Variants in FHL2 observed in about 807,000 individuals in gnomAD.
FHL2 encodes the protein four and a half LIM domains 2.
FHL2 carries 20 observed loss-of-function variants against 32.7 expected under a neutral mutation model. The observed-to-expected ratio is 0.61, with a 90% CI of 0.43 to 0.89. The LOEUF (loss-of-function observed/expected upper bound fraction) is 0.89, where lower values mean the gene tolerates loss of function less well. FHL2 is among the 40% of genes least tolerant of loss of function. The pLI is 0.00. For missense variants in FHL2, 311 were observed against 358.6 expected (o/e 0.87, Z 1.07); for synonymous variants, 123 against 128.1 (o/e 0.96, Z 0.27).
chr2:105,374,610 C>A (rs1440597457), intron 3 of FHL2: 1 of 152,054 alleles, frequency 6.6e-6, no homozygotes, highest in Non-Finnish European at 1.5e-5. Context: ...CAGACGTGTG[C>A]TTTTGAGTAA....
upstream of FHL2, chr2:105,399,336 G>A (rs536648935): frequency 1.3e-6 from 2 of 1,535,914 alleles, no homozygotes; most frequent in Middle Eastern, 1.7e-4. Context: ...ACGAGGCCTG[G>A]GCGCGGTGGC....
chr2:105,438,018 T>C (rs942173152), intron 1 of FHL2, among the ~76,000 whole-genome samples: 2 of 152,236 alleles, frequency 1.3e-5, no homozygotes, highest in Admixed American at 6.5e-5. Context: ...GTTTATTTTA[T>C]AACATTTCTT....
intron 1 of FHL2, among the ~76,000 whole-genome samples, chr2:105,432,301 G>C (rs1684460345): frequency 6.6e-6 from 1 of 152,180 alleles, no homozygotes. Flanking sequence ...TTTGTCTCAT[G>C]CACTTTCCAC....
chr2:105,372,427 A>G (rs891551429), intron 4 of FHL2, among the ~76,000 whole-genome samples: 2 of 152,052 alleles, frequency 1.3e-5, no homozygotes, highest in African/African-American at 4.8e-5. Context: ...GCGTTTTACC[A>G]TGTTAGCCTG....
At chr2:105,365,950 A>T (rs1393768495) in intron 5 of FHL2, among the ~76,000 whole-genome samples, 1 of 152,204 alleles carries the variant, frequency 6.6e-6, no homozygotes, top group Non-Finnish European at 1.5e-5. Context: ...CACGCCTGTA[A>T]TCCCAGCACT....
chr2:105,397,195 G>A (rs1683201154), intron 1 of FHL2, among the ~76,000 whole-genome samples: 2 of 152,032 alleles, frequency 1.3e-5, no homozygotes, highest in Non-Finnish European at 2.9e-5. Flanking sequence ...CCCGTGGTGC[G>A]TTTAGTGGTT....
chr2:105,407,197 C>A lies in FHL2; in HGVS notation c.-24-20657G>T, dbSNP rs746215790. Among the ~76,000 whole-genome samples the A allele has an allele frequency of 2.6e-5, 4 of 152,066 alleles. No homozygotes were observed. In the South Asian group the frequency reaches 6.2e-4, roughly 24 times the overall value. On this transcript the variant is annotated intron_variant, in intron 1 of 5. Transcript: ENST00000393352. ...CACAAGGTCAAGAGATAGAGACCATCCTGGCTAACACGGTGAAACCCTGTC... is the reference window on the plus strand; with the variant it reads ...CACAAGGTCAAGAGATAGAGACCATACTGGCTAACACGGTGAAACCCTGTC...
At chr2:105,408,400 T>C (rs889294494) in intron 1 of FHL2, among the ~76,000 whole-genome samples, 1 of 152,224 alleles carries the variant, frequency 6.6e-6, no homozygotes, top group Admixed American at 6.5e-5. Context: ...GTAATCCTAA[T>C]GTTGATTTGA....
intron 1 of FHL2, among the ~76,000 whole-genome samples, chr2:105,408,177 G>A (rs1326715454): frequency 6.6e-6 from 1 of 152,182 alleles, no homozygotes; most frequent in Non-Finnish European, 1.5e-5. Flanking sequence ...TTGCTAGGCA[G>A]CCGGCAGAGA....
chr2:105,417,121 C>T (rs531461403), intron 1 of FHL2, among the ~76,000 whole-genome samples: 8 of 152,334 alleles, frequency 5.3e-5, no homozygotes, highest in East Asian at 3.9e-4. Context: ...CGGTGGCTCA[C>T]GCCGGTAATC....
intron 1 of FHL2, among the ~76,000 whole-genome samples, chr2:105,420,528 C>T (rs1684070114): frequency 1.3e-5 from 2 of 152,106 alleles, no homozygotes; most frequent in Non-Finnish European, 2.9e-5. Flanking sequence ...AACACCTTCA[C>T]TAATAATAGT....
intron 2 of FHL2, 45 bp from the exon 3 acceptor site, chr2:105,386,585 G>A (rs560035485): frequency 6.4e-7 from 1 of 1,566,754 alleles, no homozygotes; most frequent in African/African-American, 1.3e-5. Context: ...AGCACTCTCT[G>A]AAAGGGGTGC....
chr2:105,386,790 A>G (rs1682355768), intron 2 of FHL2, among the ~76,000 whole-genome samples: 1 of 90,352 alleles, frequency 1.1e-5, no homozygotes, highest in African/African-American at 4.7e-5. Flanking sequence ...TTGGAGACAG[A>G]GTCTTGTTCT....
chr2:105,375,037 A>G (rs2104539403), intron 3 of FHL2, among the ~76,000 whole-genome samples: 1 of 152,292 alleles, frequency 6.6e-6, no homozygotes, highest in South Asian at 2.1e-4. Flanking sequence ...TGAATGTAGG[A>G]TGTGAAGACA....
intron 2 of FHL2, among the ~76,000 whole-genome samples, chr2:105,387,230 T>C (rs1421021878): frequency 1.3e-5 from 2 of 152,198 alleles, no homozygotes; most frequent in East Asian, 1.9e-4. Flanking sequence ...AAGGCAGGCA[T>C]AGAAATAATA....
intron 1 of FHL2, among the ~76,000 whole-genome samples, chr2:105,433,495 G>A (rs886342698): frequency 4.6e-5 from 7 of 152,148 alleles, no homozygotes; most frequent in Admixed American, 4.6e-4. Context: ...TTTTTAAGAT[G>A]AGGTCCTTTC....
chr2:105,409,819 T>C (rs1683741612), intron 1 of FHL2, among the ~76,000 whole-genome samples: 1 of 152,218 alleles, frequency 6.6e-6, no homozygotes, highest in African/African-American at 2.4e-5. Flanking sequence ...GTGGCTGCAC[T>C]TTTCCATGAA....
At chr2:105,376,567 T>C (rs929942494) in intron 3 of FHL2, 17 of 152,212 alleles carry the variant, frequency 1.1e-4, no homozygotes, top group African/African-American at 3.9e-4. Flanking sequence ...ATGCTGATTG[T>C]GGAAGAAATG....
Position 105,373,716 on chromosome 2 carries a change from G to A in FHL2, c.174C>T (p.Asp58=), listed in dbSNP as rs141208906. ...GCDCKDLSYK[D]RHWHEACFHC... is the part of the protein sequence containing the mutation. ...GGAAACAGGCTTCATGCCAGTGCCG[G>A]TCCTTGTAAGACAAGTCCTGTGGGG... The change falls in exon 4 of 7, where the codon GAC becomes GAT. Residue 58 remains aspartate (D), a synonymous_variant. Coordinates refer to ENST00000530340, the MANE Select transcript of FHL2 (RefSeq NM_001318895.3). The A allele has an allele frequency of 3.2e-4, 519 of 1,614,022 alleles. No individual in the cohort carries two copies. The highest frequency in any genetic ancestry group is 4.1e-4 in the Non-Finnish European group (483 of 1,180,024).
Sources: allele counts gnomAD v4.1 joint callset (sites outside exome capture counted in the v4.1 genomes callset), GRCh38; gene constraint gnomAD v4.1.1; transcripts MANE v1.5; gene names NCBI Gene and HGNC (gene_info 2026-07-23, HGNC 2026-07-21).